The following DDX60L variants were observed in gnomAD, a reference collection of about 807,000 sequenced individuals.
DDX60L encodes probable ATP-dependent RNA helicase DDX60-like.
In DDX60L, 191 loss-of-function variants were observed where a neutral mutation model predicts 211.6. That is an observed-to-expected ratio of 0.90 (90% CI 0.80 to 1.02). The LOEUF (loss-of-function observed/expected upper bound fraction) is 1.02. Ranked by LOEUF, DDX60L falls within the 50% of genes least tolerant of loss-of-function variation. DDX60L has a pLI of 0.00. For missense variants in DDX60L, 2,007 were observed against 1,984.1 expected (o/e 1.01, Z -0.22); for synonymous variants, 706 against 694.1 (o/e 1.02, Z -0.27).
intron 10 of DDX60L, among the ~76,000 whole-genome samples, chr4:168,435,930 G>A (rs867260879): frequency 6.6e-6 from 1 of 152,172 alleles, no homozygotes; most frequent in African/African-American, 2.4e-5. Flanking sequence ...TTTGTTGATG[G>A]TGGAAAATGA....
rs1043484945 is a variant in DDX60L, at chr4:168,442,968, G to A, written c.1139-1476C>T. 1.2e-3 allele frequency among the ~76,000 whole-genome samples: 185 copies of A among 152,284 alleles called. 1 individual carries two copies. The highest frequency in any genetic ancestry group is 4.1e-3 in the African/African-American group (171 of 41,542). ...AACTGGAAACTATAAAAAGCAGAGC[G>A]CCTCTCCTCCTCCAAAGGAACGCAG... On this transcript the variant is annotated intron_variant, in intron 9 of 37. Transcript: ENST00000682922.
At chr4:168,462,478 C>A (rs1214910206) in intron 4 of DDX60L, among the ~76,000 whole-genome samples, 1 of 151,950 alleles carries the variant, frequency 6.6e-6, no homozygotes, top group African/African-American at 2.4e-5. Flanking sequence ...AAAAAAAACC[C>A]ACTAAAAAGT....
intron 12 of DDX60L, among the ~76,000 whole-genome samples, chr4:168,431,550 T>C (rs1244722805): frequency 9.1e-6 from 1 of 110,304 alleles, no homozygotes; most frequent in Non-Finnish European, 1.8e-5. Flanking sequence ...TGGGGACTGT[T>C]GTGCGGTGGG....
Position 168,384,635 on chromosome 4 carries a change from C to A in DDX60L, c.4093G>T (p.Asp1365Tyr), listed in dbSNP as rs1194495025. Residue 1365 changes from aspartate to tyrosine, a missense_variant, in exon 30 of 38, where the codon GAC becomes TAC. Transcript: ENST00000682922. ...ACCTTTGCCTTGGCATCCTCTGGGT[C>A]ATCTCCCTTGGAAGCCAGCAGCATG... is the stretch of plus-strand genomic sequence containing the variant. Reference protein sequence around the residue: ...RLMLLASKGDDPEDAKAKVLS... With the variant: ...RLMLLASKGDYPEDAKAKVLS... 6 of 1,613,938 alleles carry A rather than the reference C, an allele frequency of 3.7e-6. No individual in the cohort carries two copies. The highest frequency in any genetic ancestry group is 5.1e-6 in the Non-Finnish European group (6 of 1,179,938).
chr4:168,420,682 T>TAGATAGATAGAC (rs869089882), intron 17 of DDX60L, among the ~76,000 whole-genome samples: 115 of 127,584 alleles, frequency 9.0e-4, no homozygotes, highest in African/African-American at 3.4e-3. Flanking sequence ...GATAGATAGA[T>TAGATAGATAGAC]AGACAGACAG....
chr4:168,449,632 T>TAAAAAAAAAAAAAAAAAAGAAAAAA (rs1356725381), intron 8 of DDX60L, among the ~76,000 whole-genome samples: 1 of 5,598 alleles, frequency 1.8e-4, no homozygotes, highest in African/African-American at 1.3e-3. Context: ...AAAAAAACAT[T>TAAAAAAAAAAAAAAAAAAGAAAAAA]AAAACAAAAA....
At chr4:168,378,658 G>A (rs557688163) in intron 32 of DDX60L, among the ~76,000 whole-genome samples, 183 bp from the exon 33 acceptor site, 1 of 152,128 alleles carries the variant, frequency 6.6e-6, no homozygotes, top group African/African-American at 2.4e-5. Flanking sequence ...GGTAAGACAG[G>A]AGATTTTATA....
At chr4:168,406,881 C>T (rs1453369713) in intron 22 of DDX60L, among the ~76,000 whole-genome samples, 175 bp from the exon 23 acceptor site, 1 of 152,092 alleles carries the variant, frequency 6.6e-6, no homozygotes, top group East Asian at 1.9e-4. Flanking sequence ...AAAGTCTTAA[C>T]AAAGTAGCAT....
In DDX60L at chr4:168,468,035, C is replaced by T. The variant is rs1440385966; in HGVS notation, c.264+3712G>A. On this transcript the variant is annotated intron_variant, in intron 4 of 37. Transcript: ENST00000682922. ...TACAAAAATCAGCCAGGCATGGTGG[C>T]GCATGCCTGTAATCCCAGCCACACA... is the stretch of plus-strand genomic sequence containing the variant. Among the ~76,000 whole-genome samples, 9 of 152,158 alleles carry T rather than the reference C, an allele frequency of 5.9e-5. No individual in the cohort carries two copies. In the East Asian group the frequency reaches 7.7e-4, roughly 13 times the overall value.
In DDX60L at chr4:168,391,663, A is replaced by ACAGTCAAT; in HGVS notation, c.3811-20_3811-19insATTGACTG. ...TCACTACCTAGGAAAAAAAAAAAAA[A>ACAGTCAAT]ACAGTCAATACACAATATAGCATAT... On this transcript the variant is annotated intron_variant, in intron 28 of 37. Transcript: ENST00000682922. 2.2e-6 allele frequency: 3 copies of ACAGTCAAT among 1,359,146 alleles called. No individual in the cohort carries two copies. The highest frequency in any genetic ancestry group is 3.0e-6 in the Non-Finnish European group (3 of 987,544). 84.2% of individuals were successfully genotyped at this position (1,359,146 alleles called of 1,614,324 possible).
chr4:168,425,961 T>C (rs1241573960), intron 14 of DDX60L, among the ~76,000 whole-genome samples: 1 of 152,190 alleles, frequency 6.6e-6, no homozygotes, highest in Non-Finnish European at 1.5e-5. Context: ...CATTCTCTGC[T>C]GCCAGTTGGA....
At chr4:168,479,075 TAGAC>T (rs910688120) in intron 1 of DDX60L, among the ~76,000 whole-genome samples, 18 of 152,118 alleles carry the variant, frequency 1.2e-4, no homozygotes, top group African/African-American at 4.3e-4. Context: ...GATCTAGAGA[TAGAC>T]AGATGATGGA....
intron 30 of DDX60L, 102 bp from the exon 31 acceptor site, chr4:168,379,932 C>T: frequency 1.4e-6 from 1 of 705,162 alleles, no homozygotes; most frequent in East Asian, 3.0e-5. Flanking sequence ...ATAAGGTTAC[C>T]AGATCTTACG....
intron 37 of DDX60L, among the ~76,000 whole-genome samples, chr4:168,360,514 C>A (rs1212091205): frequency 6.6e-6 from 1 of 152,174 alleles, no homozygotes; most frequent in Admixed American, 6.5e-5. Flanking sequence ...AATAAATATT[C>A]TCCTTCCAAA....
chr4:168,402,654 G>A (rs62334116), intron 25 of DDX60L, among the ~76,000 whole-genome samples: 17,505 of 152,146 alleles, frequency 0.12, 1,201 homozygotes, highest in Admixed American at 0.15. Context: ...CAAAGTATGC[G>A]CTCTTAACTA....
rs781061464 is a variant in DDX60L at position 168,427,206 on chromosome 4, C to G, written c.1794G>C (p.Lys598Asn). Residue 598 changes from lysine to asparagine, a missense_variant, in exon 14 of 38, where the codon AAG (lysine) becomes AAC (asparagine). Coordinates refer to ENST00000682922, the MANE Select transcript of DDX60L (RefSeq NM_001012967.3). Reference sequence around the variant, plus strand: ...TCCTTATTCCAGAATGTAAATTGTTCTTCATCTCCTCTTCAATAGAAAACA... The same window carrying G: ...TCCTTATTCCAGAATGTAAATTGTTGTTCATCTCCTCTTCAATAGAAAACA... ...DLLFSIEEEM[K>N]NNLHSGIRKL... The G allele has an allele frequency of 1.9e-6, 3 of 1,613,426 alleles. No homozygotes were observed. Among genetic ancestry groups the G allele is most frequent in the Non-Finnish European group, 2.5e-6 (3 of 1,179,606 alleles).
chr4:168,450,328 G>A (rs1192892207), intron 8 of DDX60L, among the ~76,000 whole-genome samples: 3 of 151,994 alleles, frequency 2.0e-5, no homozygotes, highest in South Asian at 2.1e-4. Flanking sequence ...CAGCTTCAAC[G>A]CCCTATGATT....
rs565138997 is a variant in DDX60L at position 168,461,851 on chromosome 4, C to T, written c.454G>A (p.Asp152Asn). The change falls in exon 5 of 38, where the codon GAT (aspartate) becomes AAT (asparagine). Residue 152 changes from aspartate to asparagine, a missense_variant. Transcript: ENST00000682922. ...FLIVSEEGLS[D>N]LQTYLFNFLI... ...AAGTTAAAAAGGTACGTTTGTAAAT[C>T]ACTCAGGCCTTCCTCTGAAACTATC... The T allele has an allele frequency of 1.2e-6, 2 of 1,609,722 alleles. No individual in the cohort carries two copies. Among genetic ancestry groups the T allele is most frequent in the Non-Finnish European group, 8.5e-7 (1 of 1,177,714 alleles).
In DDX60L at chr4:168,462,052, AAAAG is replaced by A. The variant is rs1757388270; in HGVS notation, c.265-16_265-13del. The A allele has an allele frequency of 6.5e-7, 1 of 1,542,612 alleles. No homozygotes were observed. Among genetic ancestry groups the A allele is most frequent in the Non-Finnish European group, 8.8e-7 (1 of 1,134,856 alleles). The stretch of plus-strand genomic sequence containing the variant: ...GCATATTCAGCATCCTGTGGTGAGA[AAAAG>A]AAACAAGCACATCATTTTCAAATCT... On this transcript the variant is annotated splice_polypyrimidine_tract_variant and intron_variant, in intron 4 of 37. Transcript: ENST00000682922.
Sources: allele counts gnomAD v4.1 joint callset (sites outside exome capture counted in the v4.1 genomes callset), GRCh38; gene constraint gnomAD v4.1.1; transcripts MANE v1.5; gene names NCBI Gene and HGNC (gene_info 2026-07-23, HGNC 2026-07-21).